The following OSTF1 variants were observed in gnomAD, a reference collection of about 807,000 sequenced individuals.
OSTF1 encodes the protein osteoclast stimulating factor 1.
Under a neutral mutation model 37.2 loss-of-function variants are expected in OSTF1, and 27 were observed. That is an observed-to-expected ratio of 0.73 (90% CI 0.54 to 1.00). The LOEUF (loss-of-function observed/expected upper bound fraction) is 1.00, where lower values mean the gene tolerates loss of function less well. OSTF1 is among the 50% of genes least tolerant of loss of function. The probability of loss-of-function intolerance (pLI) is 0.00; values close to 1 mark genes in which losing one functional copy is unlikely to be tolerated. For missense variants in OSTF1, 232 were observed against 253.8 expected, an observed-to-expected ratio of 0.91 and a Z score of 0.58; for synonymous variants, 82 against 89.2, an observed-to-expected ratio of 0.92 and a Z score of 0.46.
At chr9:75,106,977 G>GAAAA (rs948136322) in intron 1 of OSTF1, among the ~76,000 whole-genome samples, 1 of 105,378 alleles carries the variant, frequency 9.5e-6, no homozygotes, top group African/African-American at 3.5e-5. Context: ...AAAAGAAAAA[G>GAAAA]AAAAAAAAAG....
intron 1 of OSTF1, among the ~76,000 whole-genome samples, chr9:75,099,214 AG>A (rs1825146208): frequency 6.6e-6 from 1 of 151,630 alleles, no homozygotes; most frequent in African/African-American, 2.4e-5. Context: ...CTGGGATTAC[AG>A]GGGTAAAGAA....
intron 2 of OSTF1, among the ~76,000 whole-genome samples, chr9:75,118,694 G>A (rs1279466432): frequency 1.3e-5 from 2 of 152,190 alleles, no homozygotes; most frequent in Admixed American, 6.5e-5. Context: ...CGAAAGGCAT[G>A]TCTTACATGG....
At chr9:75,127,724 C>T in intron 3 of OSTF1, 105 bp downstream of exon 3, 1 of 608,894 alleles carries the variant, frequency 1.6e-6, no homozygotes, top group Non-Finnish European at 2.9e-6. Context: ...TACATATGTA[C>T]AAGTCTGTTC....
intron 2 of OSTF1, among the ~76,000 whole-genome samples, chr9:75,118,640 A>T (rs534204491): frequency 2.0e-5 from 3 of 152,186 alleles, no homozygotes; most frequent in Non-Finnish European, 4.4e-5. Context: ...TGGGTAATGT[A>T]TAGAGAAAAA....
chr9:75,128,407 TTTTGTCC>T (rs1255206662), intron 3 of OSTF1, among the ~76,000 whole-genome samples: 183 of 69,880 alleles, frequency 2.6e-3, no homozygotes, highest in Non-Finnish European at 4.0e-3. Flanking sequence ...TATATATATA[TTTTGTCC>T]ATATATATAT....
chr9:75,109,156 G>A (rs768428680), intron 1 of OSTF1, among the ~76,000 whole-genome samples: 18 of 151,806 alleles, frequency 1.2e-4, no homozygotes, highest in Non-Finnish European at 2.6e-4. Flanking sequence ...GGGATTACAG[G>A]TGCCCGCCAA....
chr9:75,119,937 C>T (rs1223061923), intron 2 of OSTF1, among the ~76,000 whole-genome samples: 1 of 151,718 alleles, frequency 6.6e-6, no homozygotes, highest in Admixed American at 6.6e-5. Flanking sequence ...GCACTCCAGC[C>T]TGGCGACAGA....
chr9:75,099,402 C>T (rs898534259), intron 1 of OSTF1, among the ~76,000 whole-genome samples: 17 of 152,142 alleles, frequency 1.1e-4, no homozygotes, highest in Non-Finnish European at 1.5e-4. Context: ...CAGGCATGTG[C>T]TGCCAAGCCC....
intron 2 of OSTF1, among the ~76,000 whole-genome samples, chr9:75,123,741 C>T (rs541519081): frequency 9.2e-5 from 14 of 152,124 alleles, no homozygotes; most frequent in Non-Finnish European, 1.9e-4. Flanking sequence ...AGACATTTTA[C>T]GAGTAGTAGC....
intron 1 of OSTF1, among the ~76,000 whole-genome samples, chr9:75,095,602 G>A (rs1825062065): frequency 6.6e-6 from 1 of 152,172 alleles, no homozygotes; most frequent in Non-Finnish European, 1.5e-5. Context: ...TAAGGGCTAA[G>A]CTTCTTTCAG....
At chr9:75,101,556 A>G (rs1021054048) in intron 1 of OSTF1, among the ~76,000 whole-genome samples, 1 of 152,210 alleles carries the variant, frequency 6.6e-6, no homozygotes, top group Non-Finnish European at 1.5e-5. Flanking sequence ...GCTACATAAG[A>G]ACATTTGAAT....
rs1332185644 is a variant in OSTF1 at position 75,146,784 on chromosome 9, G to T, written c.*43G>T. Reference sequence around the variant, plus strand: ...GAGATCTAAAACTTCTGTTGCTTTTGCCATTCCAAAACTTTGTCTTTGCCA... The same window carrying T: ...GAGATCTAAAACTTCTGTTGCTTTTTCCATTCCAAAACTTTGTCTTTGCCA... On this transcript the variant is annotated 3_prime_UTR_variant, in exon 10 of 10. Coordinates refer to ENST00000346234, the MANE Select transcript of OSTF1 (RefSeq NM_012383.5). 1 of 1,445,220 alleles carries T rather than the reference G, an allele frequency of 6.9e-7. No individual in the cohort carries two copies. The highest frequency in any genetic ancestry group is 1.9e-5 in the Admixed American group (1 of 52,278). 89.5% of individuals were successfully genotyped at this position (1,445,220 alleles called of 1,614,324 possible). A position where few individuals can be genotyped will look rare whatever the true frequency, so the allele number is the denominator to read the frequency against.
chr9:75,101,237 C>T (rs1825187890), intron 1 of OSTF1, among the ~76,000 whole-genome samples: 1 of 152,112 alleles, frequency 6.6e-6, no homozygotes, highest in South Asian at 2.1e-4. Flanking sequence ...GGCGTCAGGT[C>T]AGGTAGGTCA....
At chr9:75,146,130 T>C (rs10869512) in intron 9 of OSTF1, among the ~76,000 whole-genome samples, 120,175 of 152,276 alleles carry the variant, frequency 0.79, 47,873 homozygotes, top group African/African-American at 0.89. Context: ...GTCTTCCTTT[T>C]GAGTCCTGTT....
intron 1 of OSTF1, among the ~76,000 whole-genome samples, chr9:75,090,437 G>T (rs1824952165): frequency 6.6e-6 from 1 of 152,088 alleles, no homozygotes. Flanking sequence ...CTTCACATCA[G>T]AAAGCTTATG....
At chr9:75,097,287 A>G (rs571040140) in intron 1 of OSTF1, among the ~76,000 whole-genome samples, 16 of 152,316 alleles carry the variant, frequency 1.1e-4, no homozygotes, top group African/African-American at 3.4e-4. Context: ...AGTCACTACT[A>G]TGGTGACTGC....
chr9:75,132,080 AGTC>A (rs2118587095), intron 5 of OSTF1, among the ~76,000 whole-genome samples: 2 of 152,362 alleles, frequency 1.3e-5, no homozygotes, highest in East Asian at 3.9e-4. Flanking sequence ...GGGAGATGCA[AGTC>A]GAAAGACATG....
At chr9:75,090,015 G>A (rs1824932773) in intron 1 of OSTF1, among the ~76,000 whole-genome samples, 1 of 152,146 alleles carries the variant, frequency 6.6e-6, no homozygotes, top group Non-Finnish European at 1.5e-5. Context: ...ATGGGGCACA[G>A]CTAGAGTTGG....
At chr9:75,133,233 A>T in intron 5 of OSTF1, 61 bp from the exon 6 acceptor site, 1 of 1,054,796 alleles carries the variant, frequency 9.5e-7, no homozygotes, top group South Asian at 1.3e-5. Context: ...ATTGATTTAA[A>T]AGCAAAATAA....
Sources: allele counts gnomAD v4.1 joint callset (sites outside exome capture counted in the v4.1 genomes callset), GRCh38; gene constraint gnomAD v4.1.1; transcripts MANE v1.5; gene names NCBI Gene and HGNC (gene_info 2026-07-23, HGNC 2026-07-21).